PSME3IP1: variants seen among roughly 807,000 people sequenced by gnomAD.
PSME3IP1 encodes proteasome activator subunit 3 interacting protein 1.
PSME3IP1 carries 13 observed loss-of-function variants against 34.1 expected under a neutral mutation model. That is an observed-to-expected ratio of 0.38 (90% CI 0.25 to 0.61). The LOEUF (loss-of-function observed/expected upper bound fraction) is 0.61, where lower values mean the gene tolerates loss of function less well. Ranked by LOEUF, PSME3IP1 falls within the 20% of genes least tolerant of loss-of-function variation. The probability of loss-of-function intolerance (pLI) is 0.60; values close to 1 mark genes in which losing one functional copy is unlikely to be tolerated. For synonymous variants in PSME3IP1, 93 were observed against 114.3 expected (o/e 0.81, Z 1.19); for missense variants, 237 against 301.4 (o/e 0.79, Z 1.58).
intron 1 of PSME3IP1, chr16:57,174,895 C>CT (rs2073028387): frequency 6.3e-6 from 1 of 158,246 alleles, no homozygotes; most frequent in Admixed American, 6.5e-5. Context: ...CCACAATCAC[C>CT]TCAACCATTT....
At chr16:57,157,242 A>C (rs2070645753) in intron 6 of PSME3IP1, among the ~76,000 whole-genome samples, 1 of 151,184 alleles carries the variant, frequency 6.6e-6, no homozygotes, top group African/African-American at 2.4e-5. Context: ...GAACTGGCGA[A>C]GCTGAGGCTG....
chr16:57,183,557 T>G (rs1435399136), intron 1 of PSME3IP1, among the ~76,000 whole-genome samples: 1 of 152,090 alleles, frequency 6.6e-6, no homozygotes, highest in African/African-American at 2.4e-5. Context: ...GGTCTCAAAC[T>G]CCTGACCTCA....
At chr16:57,158,015 C>T (rs2145443972) in intron 6 of PSME3IP1, among the ~76,000 whole-genome samples, 1 of 152,268 alleles carries the variant, frequency 6.6e-6, no homozygotes, top group Non-Finnish European at 1.5e-5. Context: ...CTTTTATCAC[C>T]ATTCCACCCC....
At chr16:57,160,929 A>G (rs547560041) in intron 6 of PSME3IP1, among the ~76,000 whole-genome samples, 141 of 152,382 alleles carry the variant, frequency 9.3e-4, no homozygotes, top group Admixed American at 2.2e-3. Flanking sequence ...GGATGCAATC[A>G]GTAAAATCTA....
At chr16:57,173,045 C>T (rs2072780166) in intron 2 of PSME3IP1, among the ~76,000 whole-genome samples, 171 bp from the exon 3 acceptor site, 1 of 152,338 alleles carries the variant, frequency 6.6e-6, no homozygotes, top group South Asian at 2.1e-4. Context: ...TCCCTTTGGA[C>T]CTCAGAGAGG....
chr16:57,164,972 C>T lies in PSME3IP1; in HGVS notation c.483-907G>A, dbSNP rs1597639070. Among the ~76,000 whole-genome samples, 3 of 151,114 alleles carry T rather than the reference C, an allele frequency of 2.0e-5. 1 individual carries two copies. The highest frequency in any genetic ancestry group is 4.2e-4 in the South Asian group (2 of 4,788). ...CTTGAACCCGGGAGGCACAGGTGTG[C>T]CAAGATTGCGCCATTGCACTCCAGC... is the stretch of plus-strand genomic sequence containing the variant. On this transcript the variant is annotated intron_variant, in intron 5 of 6. Coordinates refer to ENST00000309137, the MANE Select transcript of PSME3IP1 (RefSeq NM_024946.4).
At chr16:57,182,551 T>TA (rs10717048) in intron 1 of PSME3IP1, among the ~76,000 whole-genome samples, 3,553 of 76,570 alleles carry the variant, frequency 0.046, 93 homozygotes, top group African/African-American at 0.067. Flanking sequence ...CCATTTCCCT[T>TA]AAAAAAAAAA....
chr16:57,175,240 C>T (rs1327736108), intron 1 of PSME3IP1, among the ~76,000 whole-genome samples: 3 of 152,268 alleles, frequency 2.0e-5, no homozygotes, highest in Admixed American at 6.5e-5. Flanking sequence ...GTCTCGAACT[C>T]CTGAACTCGT....
chr16:57,181,391 C>CCCAAA, intron 1 of PSME3IP1, among the ~76,000 whole-genome samples: 1 of 151,878 alleles, frequency 6.6e-6, no homozygotes, highest in South Asian at 2.1e-4. Context: ...AAAAAAAAAA[C>CCCAAA]CCAAACCAAA....
chr16:57,168,194 C>T (rs921773123), intron 4 of PSME3IP1, among the ~76,000 whole-genome samples: 8 of 152,042 alleles, frequency 5.3e-5, no homozygotes, highest in Admixed American at 1.3e-4. Flanking sequence ...ACATCTAGTG[C>T]CCAGGAAATC....
chr16:57,173,010 C>T (rs1178039523), intron 2 of PSME3IP1, 136 bp from the exon 3 acceptor site: 19 of 625,416 alleles, frequency 3.0e-5, no homozygotes, highest in African/African-American at 2.4e-4. Context: ...GTGTGGATAA[C>T]ACAAAAATAG....
intron 1 of PSME3IP1, chr16:57,174,217 C>G (rs1196024456): frequency 5.1e-6 from 1 of 194,368 alleles, no homozygotes; most frequent in African/African-American, 2.4e-5. Context: ...TCGCTTGAAC[C>G]TGGGAGGCGG....
chr16:57,170,935 T>C (rs1325703945), intron 4 of PSME3IP1, among the ~76,000 whole-genome samples: 1 of 152,158 alleles, frequency 6.6e-6, no homozygotes, highest in African/African-American at 2.4e-5. Flanking sequence ...TAGCTGGGCG[T>C]GGTGGCATGC....
At chr16:57,165,861 A>G (rs958448801) in intron 5 of PSME3IP1, among the ~76,000 whole-genome samples, 36 of 152,192 alleles carry the variant, frequency 2.4e-4, no homozygotes, top group Admixed American at 1.6e-3. Flanking sequence ...TAAGGGAAAC[A>G]GTTACAACAC....
rs528576294 is a variant in PSME3IP1, at chr16:57,172,816, C to G, written c.186G>C (p.Lys62Asn). Residue 62 changes from lysine to asparagine, a missense_variant, in exon 3 of 7, where the codon AAG (lysine) becomes AAC (asparagine). Transcript: ENST00000309137. Reference sequence around the variant, plus strand: ...CCTCGTACTCCTGCTGCTTCCTGTCCTTCTGTTCCTGTAGCCTTTCATATA... The same window carrying G: ...CCTCGTACTCCTGCTGCTTCCTGTCGTTCTGTTCCTGTAGCCTTTCATATA... ...RSLYERLQEQ[K>N]DRKQQEYEEQ... 6.2e-7 allele frequency: 1 copy of G among 1,613,842 alleles called. No homozygotes were observed. The highest frequency in any genetic ancestry group is 2.2e-5 in the East Asian group (1 of 44,882).
rs371048595 is a variant in PSME3IP1, at chr16:57,173,857, T to C, written c.-3A>G. ...TTACCATCATCCCCTCCATCCATAA[T>C]GAAACAACCAATCTACAAAACAAAA... On this transcript the variant is annotated 5_prime_UTR_variant, in exon 2 of 7. Transcript: ENST00000309137. The C allele has an allele frequency of 4.3e-6, 7 of 1,611,218 alleles. No individual in the cohort carries two copies. The South Asian group carries it at 4.4e-5, about 10-fold the overall frequency.
At position 57,172,282 on chromosome 16, in the gene PSME3IP1, T is replaced by A; in HGVS notation, c.317A>T (p.Glu106Val). 4 of 1,613,742 alleles carry A rather than the reference T, an allele frequency of 2.5e-6. No individual in the cohort carries two copies. Among genetic ancestry groups the A allele is most frequent in the South Asian group, 1.1e-5 (1 of 91,066 alleles). The change falls in exon 4 of 7, where the codon GAA becomes GTA. Residue 106 changes from glutamate to valine, a missense_variant. By Grantham distance (121) the Glu-to-Val change is moderately radical (BLOSUM62 -2). Coordinates refer to ENST00000309137, the MANE Select transcript of PSME3IP1 (RefSeq NM_024946.4). ...QQELIEKQRREEELKELKEYR... is the reference protein window; with the variant it reads ...QQELIEKQRRVEELKELKEYR... ...TTCCTTCAGTTCTTTCAGTTCTTCTTCTCTTCGTTGCTTTTCTATTAGTTC... is the reference window on the plus strand; with the variant it reads ...TTCCTTCAGTTCTTTCAGTTCTTCTACTCTTCGTTGCTTTTCTATTAGTTC...
At chr16:57,175,995 C>T (rs932011430) in intron 1 of PSME3IP1, among the ~76,000 whole-genome samples, 1 of 152,172 alleles carries the variant, frequency 6.6e-6, no homozygotes, top group Non-Finnish European at 1.5e-5. Context: ...GAAATGAAAT[C>T]AACTGACAGA....
intron 6 of PSME3IP1, among the ~76,000 whole-genome samples, chr16:57,155,527 G>A (rs1467967550): frequency 2.6e-5 from 4 of 152,140 alleles, no homozygotes; most frequent in Non-Finnish European, 5.9e-5. Context: ...CCACACTTTG[G>A]GAGGCCAAGT....
Sources: gnomAD v4.1 joint callset for allele counts (sites outside exome capture counted in the v4.1 genomes callset) on GRCh38, gnomAD v4.1.1 for gene constraint, MANE v1.5 for transcripts, NCBI Gene and HGNC (gene_info 2026-07-23, HGNC 2026-07-21) for gene names.